The following RANBP2 variants were observed in gnomAD, a reference collection of about 807,000 sequenced individuals.
RANBP2 encodes the protein RAN binding protein 2, also known as E3 SUMO-protein ligase RanBP2.
A neutral mutation model predicts 303.6 loss-of-function variants in RANBP2; 57 were observed. That is an observed-to-expected ratio of 0.19 (90% CI 0.15 to 0.23). The LOEUF (loss-of-function observed/expected upper bound fraction) is 0.23, where lower values mean the gene tolerates loss of function less well. Among genes scored for constraint, RANBP2 ranks in the 10% least tolerant of loss-of-function variants. The pLI is 1.00. For synonymous variants in RANBP2, 1,167 were observed against 1,301.5 expected, an observed-to-expected ratio of 0.90 and a Z score of 2.23; for missense variants, 3,138 against 3,780.8, an observed-to-expected ratio of 0.83 and a Z score of 4.46.
chr2:109,312,751 AT>A, the RANBP2 span, among the ~76,000 whole-genome samples: 1 of 152,180 alleles, frequency 6.6e-6, no homozygotes, highest in South Asian at 2.1e-4. Flanking sequence ...GTATTTCCAC[AT>A]TTTGTTTATC....
the RANBP2 span, among the ~76,000 whole-genome samples, chr2:108,961,486 C>A: frequency 6.6e-6 from 1 of 152,190 alleles, no homozygotes; most frequent in Admixed American, 6.5e-5. Flanking sequence ...CAGCCAGGCC[C>A]TCTTCAGAGG....
the RANBP2 span, among the ~76,000 whole-genome samples, chr2:109,124,851 G>A: frequency 4.6e-5 from 7 of 152,162 alleles, no homozygotes; most frequent in Admixed American, 1.3e-4. Context: ...AATGCCTGGC[G>A]GAGATCCTCC....
chr2:109,557,851 C>G, the RANBP2 span, among the ~76,000 whole-genome samples: 1 of 140,806 alleles, frequency 7.1e-6, no homozygotes, highest in Admixed American at 7.2e-5. Flanking sequence ...TCATAATTTT[C>G]TTTTTTTTTT....
At chr2:109,433,507 G>C in the RANBP2 span, among the ~76,000 whole-genome samples, 171 of 152,332 alleles carry the variant, frequency 1.1e-3, no homozygotes, top group African/African-American at 4.0e-3. Flanking sequence ...TCGTGGGCAC[G>C]GCCCTGTGTT....
At chr2:109,663,606 C>T in the RANBP2 span, among the ~76,000 whole-genome samples, 10 of 152,160 alleles carry the variant, frequency 6.6e-5, no homozygotes, top group Non-Finnish European at 1.2e-4. Flanking sequence ...ATATACAGAG[C>T]TCATGGCAAT....
At chr2:109,450,975 G>T in the RANBP2 span, among the ~76,000 whole-genome samples, 212 of 152,306 alleles carry the variant, frequency 1.4e-3, no homozygotes, top group African/African-American at 4.3e-3. Flanking sequence ...CAAACCCAGC[G>T]CTGACTCGGC....
the RANBP2 span, among the ~76,000 whole-genome samples, chr2:109,664,312 T>C: frequency 6.6e-6 from 1 of 152,168 alleles, no homozygotes; most frequent in African/African-American, 2.4e-5. Flanking sequence ...AAGATTCTTA[T>C]AAAAATCTCT....
chr2:108,804,959 G>C, the RANBP2 span: 1 of 1,574,986 alleles, frequency 6.3e-7, no homozygotes, highest in East Asian at 2.3e-5. Context: ...AAGAGACTGA[G>C]GTCCTCTTTT....
At chr2:109,082,598 C>T in the RANBP2 span, among the ~76,000 whole-genome samples, 1 of 151,708 alleles carries the variant, frequency 6.6e-6, no homozygotes. Flanking sequence ...CACACCCGGC[C>T]TAGCACCCCT....
chr2:108,829,962 T>C, the RANBP2 span, among the ~76,000 whole-genome samples: 2 of 152,018 alleles, frequency 1.3e-5, no homozygotes, highest in African/African-American at 4.8e-5. Context: ...TGAACAGATA[T>C]TTAAACACCA....
At chr2:109,120,289 T>G in the RANBP2 span, among the ~76,000 whole-genome samples, 1 of 152,202 alleles carries the variant, frequency 6.6e-6, no homozygotes, top group African/African-American at 2.4e-5. Context: ...ATTCACTCTG[T>G]TTAACAACCA....
At chr2:109,423,511 C>T in the RANBP2 span, among the ~76,000 whole-genome samples, 2 of 152,188 alleles carry the variant, frequency 1.3e-5, no homozygotes, top group Non-Finnish European at 2.9e-5. Context: ...ACAGGGGCAC[C>T]TTCCATTCCA....
the RANBP2 span, among the ~76,000 whole-genome samples, chr2:109,472,520 C>T: frequency 0.012 from 1,753 of 152,328 alleles, 29 homozygotes; most frequent in African/African-American, 0.039. Flanking sequence ...CTTTGATTTA[C>T]GGTTGCTGCC....
chr2:109,319,682 C>T, the RANBP2 span, among the ~76,000 whole-genome samples: 1 of 152,202 alleles, frequency 6.6e-6, no homozygotes, highest in Non-Finnish European at 1.5e-5. Context: ...TTAAAGTGTG[C>T]GATCTTGAAG....
the RANBP2 span, among the ~76,000 whole-genome samples, chr2:109,687,494 C>T: frequency 1.3e-5 from 2 of 152,230 alleles, no homozygotes; most frequent in South Asian, 2.1e-4. Flanking sequence ...GAATTCATAT[C>T]CACACCTGTG....
At chr2:109,234,840 T>C in the RANBP2 span, among the ~76,000 whole-genome samples, 1 of 152,196 alleles carries the variant, frequency 6.6e-6, no homozygotes, top group East Asian at 1.9e-4. Flanking sequence ...AAAAGAGAGA[T>C]GGAATATTGA....
the RANBP2 span, among the ~76,000 whole-genome samples, chr2:109,161,382 G>A: frequency 1.2e-4 from 19 of 152,030 alleles, no homozygotes; most frequent in South Asian, 4.1e-4. Flanking sequence ...AGGAAGAGGG[G>A]CAGCCTCCTG....
chr2:109,345,565 A>G, the RANBP2 span, among the ~76,000 whole-genome samples: 3 of 152,134 alleles, frequency 2.0e-5, no homozygotes, highest in Non-Finnish European at 2.9e-5. Context: ...TTTTGTGTGC[A>G]TCTTGTTGAG....
chr2:109,263,008 A>AT, the RANBP2 span, among the ~76,000 whole-genome samples: 17,275 of 149,660 alleles, frequency 0.12, 1,277 homozygotes, highest in Middle Eastern at 0.15. Flanking sequence ...CGTTTTTTGT[A>AT]TTTTTTTTTG....
Sources: allele counts gnomAD v4.1 joint callset (sites outside exome capture counted in the v4.1 genomes callset), GRCh38; gene constraint gnomAD v4.1.1; transcripts MANE v1.5; gene names NCBI Gene and HGNC (gene_info 2026-07-23, HGNC 2026-07-21).